CCBE1: variants seen among roughly 807,000 people sequenced by gnomAD.
The protein encoded by CCBE1 is collagen and calcium-binding EGF domain-containing protein 1.
CCBE1 carries 37 observed loss-of-function variants against 50.0 expected under a neutral mutation model. The ratio of observed to expected loss-of-function variants is 0.74; its 90% CI spans 0.57 to 0.97. The LOEUF is 0.97. Ranked by LOEUF, CCBE1 falls within the 50% of genes least tolerant of loss-of-function variation. The pLI is 0.00. For missense variants in CCBE1, 538 were observed against 523.8 expected (o/e 1.03, Z -0.26); for synonymous variants, 234 against 203.7 (o/e 1.15, Z -1.27).
At chr18:59,571,351 A>G (rs1017190772) in intron 2 of CCBE1, among the ~76,000 whole-genome samples, 23 of 152,070 alleles carry the variant, frequency 1.5e-4, no homozygotes, top group African/African-American at 5.6e-4. Context: ...GCTGGAAACC[A>G]TCATTCTCAG....
intron 2 of CCBE1, among the ~76,000 whole-genome samples, chr18:59,548,141 C>T (rs1220918593): frequency 6.6e-6 from 1 of 152,194 alleles, no homozygotes; most frequent in Admixed American, 6.5e-5. Context: ...ACAGTCTCGT[C>T]TTATGAGTAA....
chr18:59,449,864 CT>C (rs747113352), intron 6 of CCBE1, among the ~76,000 whole-genome samples: 10 of 152,152 alleles, frequency 6.6e-5, no homozygotes, highest in Non-Finnish European at 1.3e-4. Flanking sequence ...GATTTGGCCT[CT>C]TGAAAAAGTG....
chr18:59,505,113 T>C (rs1044434691), intron 2 of CCBE1, among the ~76,000 whole-genome samples: 2 of 152,166 alleles, frequency 1.3e-5, no homozygotes, highest in African/African-American at 4.8e-5. Flanking sequence ...CTCTAAAATT[T>C]GATAAAAATG....
At chr18:59,536,030 A>G (rs945774275) in intron 2 of CCBE1, among the ~76,000 whole-genome samples, 1 of 152,228 alleles carries the variant, frequency 6.6e-6, no homozygotes, top group Non-Finnish European at 1.5e-5. Flanking sequence ...AAAGGCTTCA[A>G]TTTTGTTTGT....
chr18:59,584,310 T>C (rs2053142668), intron 2 of CCBE1, among the ~76,000 whole-genome samples: 1 of 130,358 alleles, frequency 7.7e-6, no homozygotes, highest in South Asian at 2.4e-4. Flanking sequence ...TGAGAACACA[T>C]GGACACAGGA....
chr18:59,542,103 G>A (rs978190595), intron 2 of CCBE1, among the ~76,000 whole-genome samples: 2 of 151,112 alleles, frequency 1.3e-5, no homozygotes, highest in African/African-American at 4.9e-5. Flanking sequence ...GAGCCCAGGA[G>A]GTCGAGGCTG....
intron 6 of CCBE1, among the ~76,000 whole-genome samples, chr18:59,450,551 T>G (rs1397421370): frequency 6.6e-6 from 1 of 152,180 alleles, no homozygotes; most frequent in East Asian, 1.9e-4. Context: ...AATTTTGTTT[T>G]GAGACAGAAT....
intron 2 of CCBE1, among the ~76,000 whole-genome samples, chr18:59,638,794 T>C (rs757597810): frequency 1.3e-5 from 2 of 152,182 alleles, no homozygotes; most frequent in African/African-American, 2.4e-5. Context: ...GGATAGCATT[T>C]ATAATATTAA....
At chr18:59,459,871 T>C (rs1911377848) in intron 5 of CCBE1, among the ~76,000 whole-genome samples, 1 of 152,156 alleles carries the variant, frequency 6.6e-6, no homozygotes, top group Non-Finnish European at 1.5e-5. Flanking sequence ...GCTCCCCAGG[T>C]AATTGCAAGG....
At chr18:59,468,863 G>A (rs1247307918) in intron 4 of CCBE1, among the ~76,000 whole-genome samples, 1 of 112,036 alleles carries the variant, frequency 8.9e-6, no homozygotes, top group Admixed American at 8.5e-5. Flanking sequence ...CCCAAACGAG[G>A]ACCCCAGATG....
chr18:59,490,422 T>C (rs1469117200), intron 2 of CCBE1, among the ~76,000 whole-genome samples: 1 of 149,656 alleles, frequency 6.7e-6, no homozygotes, highest in African/African-American at 2.5e-5. Flanking sequence ...GAATTTTCTA[T>C]AATGAGCATG....
At chr18:59,447,231 A>ATG (rs1910717255) in intron 7 of CCBE1, among the ~76,000 whole-genome samples, 1 of 152,182 alleles carries the variant, frequency 6.6e-6, no homozygotes, top group Non-Finnish European at 1.5e-5. Context: ...GTGTGTATAT[A>ATG]TGTGTATAAA....
intron 3 of CCBE1, among the ~76,000 whole-genome samples, chr18:59,479,899 T>G (rs2143769961): frequency 6.6e-6 from 1 of 152,300 alleles, no homozygotes; most frequent in South Asian, 2.1e-4. Context: ...TGTGTAAAAT[T>G]ACACAAATGG....
intron 2 of CCBE1, among the ~76,000 whole-genome samples, chr18:59,594,025 T>A (rs2053314171): frequency 1.3e-5 from 2 of 152,250 alleles, no homozygotes; most frequent in South Asian, 4.1e-4. Context: ...CTCTGTCAAG[T>A]TCCCCAGAAG....
chr18:59,447,963 G>T lies in CCBE1; in HGVS notation c.775+20C>A. The T allele has an allele frequency of 6.2e-7, 1 of 1,613,892 alleles. No homozygotes were observed. The highest frequency in any genetic ancestry group is 1.3e-5 in the African/African-American group (1 of 75,048). Reference sequence around the variant, plus strand: ...TTTTTCTGTTGGTGATCACCCTCCTGTGCCCTCTTCCACACTCACCGGGAG... The same window carrying T: ...TTTTTCTGTTGGTGATCACCCTCCTTTGCCCTCTTCCACACTCACCGGGAG... On this transcript the variant is annotated intron_variant, in intron 7 of 10. Coordinates refer to ENST00000439986, the MANE Select transcript of CCBE1 (RefSeq NM_133459.4).
intron 2 of CCBE1, among the ~76,000 whole-genome samples, chr18:59,518,846 A>G (rs751251308): frequency 2.6e-5 from 4 of 152,236 alleles, no homozygotes; most frequent in Non-Finnish European, 5.9e-5. Flanking sequence ...GAAACAGGAA[A>G]GTGCCTGGGA....
chr18:59,589,790 CAAAAAA>C (rs752546235), intron 2 of CCBE1, among the ~76,000 whole-genome samples: 2 of 73,114 alleles, frequency 2.7e-5, no homozygotes, highest in Admixed American at 1.8e-4. Context: ...GACTCCATCT[CAAAAAA>C]AAAAAAAAAA....
chr18:59,680,368 T>TG (rs375156814), intron 2 of CCBE1, among the ~76,000 whole-genome samples: 1 of 152,020 alleles, frequency 6.6e-6, no homozygotes, highest in Non-Finnish European at 1.5e-5. Flanking sequence ...TTTAGCGATT[T>TG]GGGGGGCCCA....
chr18:59,638,240 G>T (rs972480116), intron 2 of CCBE1, among the ~76,000 whole-genome samples: 1 of 152,206 alleles, frequency 6.6e-6, no homozygotes, highest in Non-Finnish European at 1.5e-5. Context: ...AGCAAGTAAA[G>T]AATGGATTTA....
Sources: gnomAD v4.1 joint callset for allele counts (sites outside exome capture counted in the v4.1 genomes callset) on GRCh38, gnomAD v4.1.1 for gene constraint, MANE v1.5 for transcripts, NCBI Gene and HGNC (gene_info 2026-07-23, HGNC 2026-07-21) for gene names.